The following CCDC7 variants were observed in gnomAD, a reference collection of about 807,000 sequenced individuals.
The protein encoded by CCDC7 is coiled-coil domain-containing protein 7.
In CCDC7, 183 loss-of-function variants were observed where a neutral mutation model predicts 196.9. The ratio of observed to expected loss-of-function variants is 0.93; its 90% confidence interval spans 0.82 to 1.05. The LOEUF (loss-of-function observed/expected upper bound fraction) is 1.05. Among genes scored for constraint, CCDC7 ranks in the 50% least tolerant of loss-of-function variants. The pLI is 0.00. For missense variants in CCDC7, 1,540 were observed against 1,482.2 expected, an observed-to-expected ratio of 1.04 and a Z score of -0.64; for synonymous variants, 525 against 484.6, an observed-to-expected ratio of 1.08 and a Z score of -1.10.
chr10:32,806,813 T>G (rs1285079805), intron 30 of CCDC7, among the ~76,000 whole-genome samples: 1 of 152,134 alleles, frequency 6.6e-6, no homozygotes, highest in Non-Finnish European at 1.5e-5. Flanking sequence ...CAAGGGAATC[T>G]ATAATCACAC....
chr10:32,846,714 T>G (rs2093312858), intron 37 of CCDC7, among the ~76,000 whole-genome samples: 1 of 152,204 alleles, frequency 6.6e-6, no homozygotes, highest in African/African-American at 2.4e-5. Context: ...GTAGTCTCAA[T>G]GTAGGCATTT....
intron 21 of CCDC7, among the ~76,000 whole-genome samples, chr10:32,678,288 A>G (rs752689671): frequency 6.6e-6 from 1 of 152,168 alleles, no homozygotes; most frequent in Non-Finnish European, 1.5e-5. Context: ...TCAACAGAGC[A>G]TCCCGTGGGG....
At chr10:32,590,667 C>T (rs973267028) in intron 18 of CCDC7, among the ~76,000 whole-genome samples, 1 of 152,116 alleles carries the variant, frequency 6.6e-6, no homozygotes, top group Non-Finnish European at 1.5e-5. Flanking sequence ...TAGGACAGGT[C>T]TGGTGTTGAT....
intron 20 of CCDC7, among the ~76,000 whole-genome samples, chr10:32,660,875 G>C (rs1379176165): frequency 7.0e-6 from 1 of 143,570 alleles, no homozygotes; most frequent in Non-Finnish European, 1.5e-5. Flanking sequence ...AAAAACCCTA[G>C]AAGAAAACCT....
At chr10:32,836,220 AAGTGGC>A (rs2135992172) in intron 33 of CCDC7, among the ~76,000 whole-genome samples, 1 of 152,226 alleles carries the variant, frequency 6.6e-6, no homozygotes, top group East Asian at 1.9e-4. Context: ...TGTCATTCAA[AAGTGGC>A]AGTGTGCATA....
intron 18 of CCDC7, among the ~76,000 whole-genome samples, chr10:32,626,001 A>G (rs1179994830): frequency 2.0e-5 from 3 of 152,100 alleles, no homozygotes; most frequent in African/African-American, 2.4e-5. Flanking sequence ...TTACTTGGCT[A>G]TCATGAATAC....
intron 24 of CCDC7, among the ~76,000 whole-genome samples, chr10:32,706,930 A>T (rs1487448437): frequency 6.6e-6 from 1 of 152,240 alleles, no homozygotes; most frequent in Non-Finnish European, 1.5e-5. Flanking sequence ...AAATTATTCC[A>T]ATCAGTAGAA....
rs572335066 is a variant in CCDC7 at position 32,757,655 on chromosome 10, G to T, written c.2906-21322G>T. ...AATGCCCACAAGAGAAAGGAGGAAAGATCTAAAATTGACACTCTAACATCA... is the reference window on the plus strand; with the variant it reads ...AATGCCCACAAGAGAAAGGAGGAAATATCTAAAATTGACACTCTAACATCA... On this transcript the variant is annotated intron_variant, in intron 28 of 41. Transcript: ENST00000639629. Among the ~76,000 whole-genome samples the T allele has an allele frequency of 2.0e-5, 3 of 152,304 alleles. No homozygotes were observed. In the East Asian group the frequency reaches 5.8e-4, roughly 29 times the overall value.
At chr10:32,488,286 G>C (rs9971074) in intron 8 of CCDC7, among the ~76,000 whole-genome samples, 25 of 152,328 alleles carry the variant, frequency 1.6e-4, no homozygotes, top group Admixed American at 1.0e-3. Flanking sequence ...CTCCAAGCCA[G>C]GCGCGGGATA....
At chr10:32,663,699 G>T (rs755062176) in intron 20 of CCDC7, among the ~76,000 whole-genome samples, 2 of 151,902 alleles carry the variant, frequency 1.3e-5, no homozygotes, top group African/African-American at 4.8e-5. Context: ...ACATTTAAGT[G>T]ATTTTGAGTA....
intron 31 of CCDC7, among the ~76,000 whole-genome samples, chr10:32,814,795 A>G (rs1173419230): frequency 6.6e-6 from 1 of 152,240 alleles, no homozygotes; most frequent in Non-Finnish European, 1.5e-5. Flanking sequence ...CAGAGATTAC[A>G]CAACTGAATT....
intron 20 of CCDC7, among the ~76,000 whole-genome samples, chr10:32,636,261 G>A (rs2065616866): frequency 6.6e-6 from 1 of 151,898 alleles, no homozygotes; most frequent in Non-Finnish European, 1.5e-5. Context: ...TAAGATTTAG[G>A]GTACCTGTGC....
intron 23 of CCDC7, among the ~76,000 whole-genome samples, chr10:32,693,876 C>T (rs1459524887): frequency 6.6e-6 from 1 of 152,088 alleles, no homozygotes; most frequent in Non-Finnish European, 1.5e-5. Flanking sequence ...GGGCTGGCTC[C>T]CCCCTTGTGC....
intron 41 of CCDC7, among the ~76,000 whole-genome samples, chr10:32,870,547 G>A (rs2094390936): frequency 6.6e-6 from 1 of 152,126 alleles, no homozygotes; most frequent in African/African-American, 2.4e-5. Flanking sequence ...TCCAAACACG[G>A]ACAATTTGAC....
intron 18 of CCDC7, among the ~76,000 whole-genome samples, chr10:32,623,982 C>G (rs1294424080): frequency 1.3e-5 from 2 of 152,140 alleles, no homozygotes; most frequent in Non-Finnish European, 2.9e-5. Context: ...GCCCCACTTT[C>G]AACACTGAGG....
At chr10:32,492,163 T>C (rs1299214267) in intron 9 of CCDC7, among the ~76,000 whole-genome samples, 166 bp downstream of exon 10, 2 of 152,180 alleles carry the variant, frequency 1.3e-5, no homozygotes, top group Non-Finnish European at 2.9e-5. Flanking sequence ...TCAACAAATT[T>C]AGAATTTCTT....
At chr10:32,779,373 C>A (rs1413117528) in intron 29 of CCDC7, among the ~76,000 whole-genome samples, 1 of 152,148 alleles carries the variant, frequency 6.6e-6, no homozygotes, top group Non-Finnish European at 1.5e-5. Flanking sequence ...ATAAGATAAA[C>A]TAGATGATAT....
intron 18 of CCDC7, among the ~76,000 whole-genome samples, chr10:32,590,346 C>G (rs57900262): frequency 0.018 from 2,664 of 151,978 alleles, 83 homozygotes; most frequent in African/African-American, 0.061. Context: ...ACAGCAAAAA[C>G]AAGCAAAAAG....
At chr10:32,579,977 C>T (rs1281925716) in intron 16 of CCDC7, among the ~76,000 whole-genome samples, 1 of 151,804 alleles carries the variant, frequency 6.6e-6, no homozygotes, top group Non-Finnish European at 1.5e-5. Context: ...TTGAGAAAAA[C>T]TTACAAGCAG....
Sources: gnomAD v4.1 joint callset for allele counts (sites outside exome capture counted in the v4.1 genomes callset) on GRCh38, gnomAD v4.1.1 for gene constraint, MANE v1.5 for transcripts, NCBI Gene and HGNC (gene_info 2026-07-23, HGNC 2026-07-21) for gene names.